STK39: variants seen among roughly 807,000 people sequenced by gnomAD.
STK39 encodes the protein STE20/SPS1-related proline-alanine-rich protein kinase.
A neutral mutation model predicts 77.8 loss-of-function variants in STK39; 20 were observed. That is an observed-to-expected ratio of 0.26 (90% CI 0.18 to 0.37). STK39 has a LOEUF of 0.37. Ranked by LOEUF, STK39 falls within the 10% of genes least tolerant of loss-of-function variation. The probability of loss-of-function intolerance (pLI) is 1.00; values close to 1 mark genes in which losing one functional copy is unlikely to be tolerated. For synonymous variants in STK39, 246 were observed against 234.1 expected (o/e 1.05, Z -0.47); for missense variants, 479 against 656.5 (o/e 0.73, Z 2.95).
chr2:168,080,869 G>A (rs542664038), intron 10 of STK39, among the ~76,000 whole-genome samples: 1 of 152,182 alleles, frequency 6.6e-6, no homozygotes, highest in African/African-American at 2.4e-5. Flanking sequence ...GTACACCTCG[G>A]GCCATTGCTT....
chr2:168,025,581 GGC>G (rs1438532608), intron 14 of STK39, among the ~76,000 whole-genome samples: 2 of 152,172 alleles, frequency 1.3e-5, no homozygotes, highest in African/African-American at 4.8e-5. Flanking sequence ...CTTTTGCTAA[GGC>G]TAAAGACATA....
At chr2:168,095,752 G>A (rs535329771) in intron 10 of STK39, among the ~76,000 whole-genome samples, 5 of 150,604 alleles carry the variant, frequency 3.3e-5, no homozygotes, top group African/African-American at 1.2e-4. Flanking sequence ...TCAGCCTCCC[G>A]GGTAGCTGGG....
chr2:167,995,326 T>C (rs1574376100), intron 16 of STK39, among the ~76,000 whole-genome samples: 1 of 152,108 alleles, frequency 6.6e-6, no homozygotes, highest in Non-Finnish European at 1.5e-5. Context: ...GCTAGGATGG[T>C]CTCGATCTCT....
intron 10 of STK39, among the ~76,000 whole-genome samples, chr2:168,121,195 T>A (rs1409871660): frequency 1.3e-5 from 2 of 152,248 alleles, no homozygotes; most frequent in East Asian, 3.8e-4. Flanking sequence ...GAATAAGAAC[T>A]GGAGTTCACT....
At chr2:168,217,488 G>A (rs997683254) in intron 1 of STK39, among the ~76,000 whole-genome samples, 2 of 152,130 alleles carry the variant, frequency 1.3e-5, no homozygotes, top group Admixed American at 1.3e-4. Flanking sequence ...TTTTATGTGA[G>A]GATCACAGAT....
chr2:168,156,483 G>A (rs149739189), intron 5 of STK39, among the ~76,000 whole-genome samples: 8 of 152,306 alleles, frequency 5.3e-5, no homozygotes, highest in African/African-American at 1.7e-4. Flanking sequence ...AAAAAGAAAA[G>A]AGCAAAATAA....
At chr2:168,200,250 C>G (rs1689580118) in intron 1 of STK39, among the ~76,000 whole-genome samples, 2 of 152,134 alleles carry the variant, frequency 1.3e-5, no homozygotes, top group Non-Finnish European at 2.9e-5. Context: ...ATATTAAATG[C>G]CATGAAATTA....
rs146955585 is a variant in STK39, at chr2:168,007,395, G to T, written c.1498+5239C>A. On this transcript the variant is annotated intron_variant, in intron 16 of 17. Transcript: ENST00000355999. ...TTGTTTATCTCTAACAAATGTTTAT[G>T]GAGGGCCTACTATGTGAAATGCAGT... Among the ~76,000 whole-genome samples, 40 of 152,274 alleles carry T rather than the reference G, an allele frequency of 2.6e-4. No individual in the cohort carries two copies. In the East Asian group the frequency reaches 6.6e-3, roughly 25 times the overall value.
At chr2:168,071,240 TG>T (rs1174245486) in intron 12 of STK39, among the ~76,000 whole-genome samples, 1 of 152,196 alleles carries the variant, frequency 6.6e-6, no homozygotes, top group Non-Finnish European at 1.5e-5. Flanking sequence ...AAATACTATA[TG>T]CCTACTCATG....
At chr2:168,238,019 T>C (rs1690664067) in intron 1 of STK39, among the ~76,000 whole-genome samples, 2 of 152,190 alleles carry the variant, frequency 1.3e-5, no homozygotes, top group Admixed American at 1.3e-4. Flanking sequence ...GATAGGTCAA[T>C]AGGCACCAAC....
At chr2:168,041,157 T>C (rs1487809734) in intron 14 of STK39, among the ~76,000 whole-genome samples, 1 of 152,094 alleles carries the variant, frequency 6.6e-6, no homozygotes, top group Non-Finnish European at 1.5e-5. Flanking sequence ...AGTTTAACAT[T>C]AATATGCTAA....
chr2:168,215,021 T>C (rs140803661), intron 1 of STK39, among the ~76,000 whole-genome samples: 224 of 152,326 alleles, frequency 1.5e-3, no homozygotes, highest in African/African-American at 4.9e-3. Context: ...GCTCTAGGGA[T>C]GTACCATGAT....
At chr2:167,964,068 C>T (rs545966287) in intron 17 of STK39, among the ~76,000 whole-genome samples, 123 of 152,328 alleles carry the variant, frequency 8.1e-4, no homozygotes, top group African/African-American at 2.7e-3. Context: ...ATGTCCGGCA[C>T]TCTGTATCTC....
chr2:168,235,978 A>G (rs1180037877), intron 1 of STK39, among the ~76,000 whole-genome samples: 18 of 151,730 alleles, frequency 1.2e-4, no homozygotes, highest in Non-Finnish European at 1.6e-4. Context: ...CCAGTAATGG[A>G]ATGGCTGGGT....
At chr2:168,019,668 T>C (rs1413689613) in intron 14 of STK39, among the ~76,000 whole-genome samples, 3 of 152,196 alleles carry the variant, frequency 2.0e-5, no homozygotes, top group Admixed American at 1.3e-4. Flanking sequence ...TGTGCTGCAC[T>C]GTTTAAATAG....
rs113749331 is a variant in STK39 at position 168,012,286 on chromosome 2, C to T, written c.1498+348G>A. Among the ~76,000 whole-genome samples the T allele has an allele frequency of 9.5e-4, 144 of 152,060 alleles. 1 individual carries two copies. Among genetic ancestry groups the T allele is most frequent in the African/African-American group, 3.3e-3 (135 of 41,472 alleles). On this transcript the variant is annotated intron_variant, in intron 16 of 17. Transcript: ENST00000355999. ...CTCCCAGGTTCAAGCGATTCTCCTG[C>T]CTCAGCTTCTCGAGTAGTTGAGATT...
intron 8 of STK39, among the ~76,000 whole-genome samples, chr2:168,134,893 G>A (rs1687791859): frequency 6.6e-6 from 1 of 152,178 alleles, no homozygotes; most frequent in Non-Finnish European, 1.5e-5. Context: ...TCAGGTTACA[G>A]GTAGATGATC....
intron 5 of STK39, among the ~76,000 whole-genome samples, chr2:168,150,170 G>A (rs1482282182): frequency 2.6e-5 from 4 of 152,210 alleles, no homozygotes; most frequent in South Asian, 2.1e-4. Context: ...GATTCAGTGG[G>A]ACTGGAAGAT....
intron 16 of STK39, among the ~76,000 whole-genome samples, chr2:168,011,290 C>A (rs9678614): frequency 0.026 from 4,001 of 152,090 alleles, 155 homozygotes; most frequent in African/African-American, 0.091. Flanking sequence ...CAGAGTGAGA[C>A]CCTGTCTCAA....
Sources: allele counts gnomAD v4.1 joint callset (sites outside exome capture counted in the v4.1 genomes callset), GRCh38; gene constraint gnomAD v4.1.1; transcripts MANE v1.5; gene names NCBI Gene and HGNC (gene_info 2026-07-23, HGNC 2026-07-21).